The following GOLT1B variants were observed in gnomAD, a reference collection of about 807,000 sequenced individuals.
GOLT1B encodes vesicle transport protein GOT1B.
GOLT1B carries 3 observed loss-of-function variants against 15.4 expected under a neutral mutation model. The observed-to-expected ratio is 0.19, with a 90% CI of 0.09 to 0.50. GOLT1B has a LOEUF of 0.50. Ranked by LOEUF, GOLT1B falls within the 20% of genes least tolerant of loss-of-function variation. The pLI, the probability that GOLT1B is intolerant of heterozygous loss-of-function variation, is 0.97. For missense variants in GOLT1B, 145 were observed against 160.4 expected (o/e 0.90, Z 0.52); for synonymous variants, 65 against 56.2 (o/e 1.16, Z -0.70).
At position 21,515,705 on chromosome 12, in the gene GOLT1B, TA is replaced by T; in HGVS notation, c.417del (p.Ter139TyrfsTer4). On this transcript the variant is annotated frameshift_variant and stop_lost, in exon 5 of 5. Transcript: ENST00000229314. LOFTEE classifies it high-confidence loss of function. The stretch of plus-strand genomic sequence containing the variant: ...AGTTGGAGAAAGCAACAATATGGTA[TA>T]ACAACAAGTGAATTTGAAGACTCAT... ...DKVGESNNMV[*>X] The T allele has an allele frequency of 7.8e-7, 1 of 1,282,918 alleles. No individual in the cohort carries two copies. Among genetic ancestry groups the T allele is most frequent in the Non-Finnish European group, 1.1e-6 (1 of 890,546 alleles). The allele number at this position is 1,282,918 out of a possible 1,614,324, so 79.5% of individuals were successfully genotyped here.
At chr12:21,502,591 A>T (rs1352967177) in intron 1 of GOLT1B, among the ~76,000 whole-genome samples, 1 of 152,104 alleles carries the variant, frequency 6.6e-6, no homozygotes, top group Non-Finnish European at 1.5e-5. Context: ...TTTCGTTAGT[A>T]TTGTATATTG....
chr12:21,504,562 A>G (rs1178800536), intron 1 of GOLT1B: 1 of 508,402 alleles, frequency 2.0e-6, no homozygotes, highest in East Asian at 5.5e-5. Flanking sequence ...AGACTGGTTG[A>G]ATGCTGACTT....
chr12:21,507,649 C>G (rs1193163258), intron 2 of GOLT1B, among the ~76,000 whole-genome samples: 2 of 151,736 alleles, frequency 1.3e-5, no homozygotes, highest in African/African-American at 4.8e-5. Context: ...CATTAGTATC[C>G]TAGAATATGA....
At chr12:21,510,884 CTG>C (rs1194411052) in intron 3 of GOLT1B, among the ~76,000 whole-genome samples, 6 of 152,222 alleles carry the variant, frequency 3.9e-5, no homozygotes, top group Non-Finnish European at 8.8e-5. Flanking sequence ...CTATCTAACT[CTG>C]TGAAGAAAAC....
chr12:21,505,569 G>T (rs550612042), intron 1 of GOLT1B, among the ~76,000 whole-genome samples: 4 of 152,240 alleles, frequency 2.6e-5, no homozygotes, highest in East Asian at 1.9e-4. Flanking sequence ...GTCTGCAATG[G>T]AAGACACTAG....
intron 1 of GOLT1B, chr12:21,504,639 C>G (rs948712530): frequency 2.3e-6 from 1 of 439,632 alleles, no homozygotes; most frequent in East Asian, 7.0e-5. Context: ...CTTCTATGAT[C>G]AAGAACAAGT....
chr12:21,505,783 G>A (rs181459116), intron 1 of GOLT1B, among the ~76,000 whole-genome samples: 102 of 152,080 alleles, frequency 6.7e-4, no homozygotes, highest in African/African-American at 2.3e-3. Flanking sequence ...CTAAAAATAC[G>A]GTGGCTTCTA....
At chr12:21,510,312 C>G (rs1565582254) in intron 3 of GOLT1B, among the ~76,000 whole-genome samples, 3 of 152,134 alleles carry the variant, frequency 2.0e-5, no homozygotes, top group Non-Finnish European at 2.9e-5. Flanking sequence ...TTTGTTTTGG[C>G]AGATGTATCT....
intron 4 of GOLT1B, among the ~76,000 whole-genome samples, 163 bp downstream of exon 4, chr12:21,512,539 G>A (rs1943727636): frequency 6.6e-6 from 1 of 151,986 alleles, no homozygotes. Context: ...AATAATTATT[G>A]CTAAACCTAT....
intron 4 of GOLT1B, among the ~76,000 whole-genome samples, chr12:21,515,082 A>G (rs1943746668): frequency 6.6e-6 from 1 of 151,890 alleles, no homozygotes; most frequent in South Asian, 2.1e-4. Context: ...TAAAATTTAT[A>G]TTCAATAATT....
intron 1 of GOLT1B, among the ~76,000 whole-genome samples, chr12:21,504,332 T>C (rs1421506128): frequency 6.6e-6 from 1 of 152,064 alleles, no homozygotes; most frequent in African/African-American, 2.4e-5. Context: ...TGCATACGGA[T>C]AGGGAAAAGG....
intron 3 of GOLT1B, among the ~76,000 whole-genome samples, chr12:21,508,875 C>T (rs978136531): frequency 7.3e-5 from 10 of 136,104 alleles, no homozygotes; most frequent in African/African-American, 1.6e-4. Context: ...ATCGATCAAT[C>T]GGTAGGTAGG....
chr12:21,508,906 T>TAGAC (rs1216893858), intron 3 of GOLT1B, among the ~76,000 whole-genome samples: 4 of 132,690 alleles, frequency 3.0e-5, no homozygotes, highest in Non-Finnish European at 5.0e-5. Flanking sequence ...GATAGATAGA[T>TAGAC]AGATAGATAG....
intron 4 of GOLT1B, chr12:21,515,226 G>T: frequency 7.1e-7 from 1 of 1,407,186 alleles, no homozygotes. Context: ...AGTTAAATCT[G>T]TTTGTCCAAA....
chr12:21,503,690 A>C (rs1943657945), intron 1 of GOLT1B, among the ~76,000 whole-genome samples: 1 of 152,194 alleles, frequency 6.6e-6, no homozygotes, highest in Non-Finnish European at 1.5e-5. Context: ...AACCAAATGC[A>C]TTTTGGATTT....
At chr12:21,502,556 A>G (rs1943641236) in intron 1 of GOLT1B, among the ~76,000 whole-genome samples, 1 of 152,140 alleles carries the variant, frequency 6.6e-6, no homozygotes, top group Non-Finnish European at 1.5e-5. Flanking sequence ...GAGAAAAGCC[A>G]CTTTGTGTGC....
chr12:21,502,659 C>T (rs1271413483), intron 1 of GOLT1B, among the ~76,000 whole-genome samples: 1 of 152,142 alleles, frequency 6.6e-6, no homozygotes, highest in Non-Finnish European at 1.5e-5. Flanking sequence ...CAGAGTTCTC[C>T]AGGCCTATTT....
At chr12:21,515,074 A>G (rs1227076563) in intron 4 of GOLT1B, among the ~76,000 whole-genome samples, 1 of 152,038 alleles carries the variant, frequency 6.6e-6, no homozygotes, top group Non-Finnish European at 1.5e-5. Context: ...ATGTGTGTTA[A>G]AATTTATATT....
Position 21,501,803 on chromosome 12 carries a change from C to A in GOLT1B, c.-121C>A. ...CTTAAAGCGGCAGTGAGGGTGGCTG[C>A]GTGTTTCCGGAAGACGTGGCGGCTC... is the stretch of plus-strand genomic sequence containing the variant. On this transcript the variant is annotated 5_prime_UTR_variant, in exon 1 of 5. Transcript: ENST00000229314. 8 of 724,286 alleles carry A rather than the reference C, an allele frequency of 1.1e-5. No individual in the cohort carries two copies. The highest frequency in any genetic ancestry group is 1.8e-5 in the Non-Finnish European group (7 of 396,954). 44.9% of individuals were successfully genotyped at this position (724,286 alleles called of 1,614,324 possible). A position where few individuals can be genotyped will look rare whatever the true frequency, so the allele number is the denominator to read the frequency against.
Sources: gnomAD v4.1 joint callset for allele counts (sites outside exome capture counted in the v4.1 genomes callset) on GRCh38, gnomAD v4.1.1 for gene constraint, MANE v1.5 for transcripts, NCBI Gene and HGNC (gene_info 2026-07-23, HGNC 2026-07-21) for gene names.